The following NAV2 variants were observed in gnomAD, a reference collection of about 807,000 sequenced individuals.
NAV2 encodes the protein helicase, APC down-regulated 1.
NAV2 carries 54 observed loss-of-function variants against 223.2 expected under a neutral mutation model. The observed-to-expected ratio is 0.24, with a 90% CI of 0.19 to 0.30. The LOEUF is 0.30. NAV2 is among the 10% of genes least tolerant of loss of function. The probability of loss-of-function intolerance (pLI) is 1.00; values close to 1 mark genes in which losing one functional copy is unlikely to be tolerated. For missense variants in NAV2, 2,806 were observed against 3,147.5 expected (o/e 0.89, Z 2.60); for synonymous variants, 1,279 against 1,239.3 (o/e 1.03, Z -0.67).
At chr11:20,012,716 G>T (rs1200939971) in intron 11 of NAV2, among the ~76,000 whole-genome samples, 1 of 151,770 alleles carries the variant, frequency 6.6e-6, no homozygotes, top group African/African-American at 2.4e-5. Context: ...GCGACCAGGG[G>T]ATAGGGTTGT....
In NAV2 at chr11:19,879,963, C is replaced by T; in HGVS notation, c.606C>T (p.Leu202=). The change falls in exon 5 of 38, where the codon CTC becomes CTT. Residue 202 remains leucine (L), a synonymous_variant. Coordinates refer to ENST00000349880, the MANE Select transcript of NAV2 (RefSeq NM_145117.5). ...QQQQQPQKQH[L]SSPLPPAVSQ... ...AGCAGCAGCCCCAGAAGCAGCACCT[C>T]TCCTCACCTCTGCCGCCCGCCGTAT... The T allele has an allele frequency of 6.2e-7, 1 of 1,613,448 alleles. No homozygotes were observed. Among genetic ancestry groups the T allele is most frequent in the Non-Finnish European group, 8.5e-7 (1 of 1,179,886 alleles).
intron 11 of NAV2, among the ~76,000 whole-genome samples, chr11:19,991,825 A>G (rs1232772821): frequency 6.6e-6 from 1 of 151,924 alleles, no homozygotes; most frequent in Non-Finnish European, 1.5e-5. Context: ...TTTTGTCTTC[A>G]TCTTTTCTTG....
At chr11:19,443,918 T>C (rs891016990) in intron 1 of NAV2, among the ~76,000 whole-genome samples, 1 of 152,118 alleles carries the variant, frequency 6.6e-6, no homozygotes, top group Admixed American at 6.6e-5. Context: ...ACTCCTCTTA[T>C]TATTATTATT....
intron 1 of NAV2, among the ~76,000 whole-genome samples, chr11:19,537,214 T>C (rs2044214124): frequency 6.6e-6 from 1 of 152,126 alleles, no homozygotes; most frequent in Non-Finnish European, 1.5e-5. Context: ...TATTTAATTG[T>C]ATAATAATAA....
intron 1 of NAV2, among the ~76,000 whole-genome samples, chr11:19,396,965 A>G (rs1475011786): frequency 6.6e-6 from 1 of 152,102 alleles, no homozygotes; most frequent in Non-Finnish European, 1.5e-5. Flanking sequence ...TCCTCTTTTT[A>G]TGGGGACCAC....
rs1162180013 is a variant in NAV2, at chr11:20,045,103, C to T, written c.3335C>T (p.Thr1112Ile). 2 of 1,614,194 alleles carry T rather than the reference C, an allele frequency of 1.2e-6. No homozygotes were observed. Among genetic ancestry groups the T allele is most frequent in the South Asian group, 1.1e-5 (1 of 91,086 alleles). ...SKKPLPSSSR[T>I]PTANANSFGF... ...AAGCCCCTCCCCAGCAGCTCTAGGACACCTACTGCCAATGCCAACAGCTTT... is the reference window on the plus strand; with the variant it reads ...AAGCCCCTCCCCAGCAGCTCTAGGATACCTACTGCCAATGCCAACAGCTTT... Residue 1112 changes from threonine (T) to isoleucine (I), a missense_variant, in exon 14 of 38, where the codon ACA becomes ATA. This residue lies in a region of NAV2 where 742 missense variants were observed against 777.9 expected (regional missense o/e 0.95). Coordinates refer to ENST00000349880, the MANE Select transcript of NAV2 (RefSeq NM_145117.5).
At chr11:19,353,077 G>C (rs1853417189) in intron 1 of NAV2, among the ~76,000 whole-genome samples, 1 of 152,140 alleles carries the variant, frequency 6.6e-6, no homozygotes, top group South Asian at 2.1e-4. Flanking sequence ...CTTCAGGGGG[G>C]ATTGGCTGAA....
At chr11:20,045,839 T>C (rs1057508427) in intron 14 of NAV2, among the ~76,000 whole-genome samples, 169 bp downstream of exon 14, 1 of 152,254 alleles carries the variant, frequency 6.6e-6, no homozygotes, top group Non-Finnish European at 1.5e-5. Flanking sequence ...TTTTCCCATG[T>C]TGGGATGAAA....
At chr11:20,054,336 G>A (rs2058225365) in intron 18 of NAV2, 96 bp downstream of exon 18, 1 of 1,307,894 alleles carries the variant, frequency 7.6e-7, no homozygotes, top group Admixed American at 3.3e-5. Flanking sequence ...AGTTTTTGGG[G>A]AGCAGGTGGT....
chr11:19,506,680 A>G (rs941610468), intron 1 of NAV2: 3 of 152,238 alleles, frequency 2.0e-5, no homozygotes, highest in African/African-American at 4.8e-5. Flanking sequence ...AGGAAAGGCC[A>G]TTGAGTTTTG....
intron 11 of NAV2, among the ~76,000 whole-genome samples, chr11:20,023,724 G>GTGTGTA (rs1554902413): frequency 1.1e-4 from 16 of 152,026 alleles, no homozygotes; most frequent in African/African-American, 3.4e-4. Context: ...GTGTGTGTGT[G>GTGTGTA]TGTGTGTGTG....
At chr11:19,866,235 A>C (rs1031338425) in intron 3 of NAV2, among the ~76,000 whole-genome samples, 6 of 152,226 alleles carry the variant, frequency 3.9e-5, no homozygotes, top group African/African-American at 1.4e-4. Context: ...TGTTGTGAGA[A>C]GCTGTACTGT....
At chr11:19,959,086 A>C (rs1387366591) in intron 10 of NAV2, among the ~76,000 whole-genome samples, 1 of 152,178 alleles carries the variant, frequency 6.6e-6, no homozygotes, top group East Asian at 1.9e-4. Flanking sequence ...AACTGCTGGG[A>C]AATAGCTGAT....
At chr11:19,892,685 A>G (rs895238734) in intron 6 of NAV2, 91 bp downstream of exon 6, 18 of 1,395,298 alleles carry the variant, frequency 1.3e-5, no homozygotes, top group Non-Finnish European at 1.7e-5. Flanking sequence ...GGTCATGGGG[A>G]GGGGTTGCAT....
intron 4 of NAV2, among the ~76,000 whole-genome samples, chr11:19,869,632 C>A (rs965197930): frequency 2.0e-5 from 3 of 152,186 alleles, no homozygotes; most frequent in Admixed American, 6.6e-5. Context: ...CACGCTCTCT[C>A]CTGTTTGTAA....
chr11:19,515,716 A>G (rs916622365), intron 1 of NAV2, among the ~76,000 whole-genome samples: 1 of 152,312 alleles, frequency 6.6e-6, no homozygotes, highest in South Asian at 2.1e-4. Flanking sequence ...TTTTCCCTTG[A>G]TACAAATAAC....
intron 11 of NAV2, among the ~76,000 whole-genome samples, chr11:20,014,064 T>G (rs1402064752): frequency 6.6e-6 from 1 of 152,182 alleles, no homozygotes; most frequent in Non-Finnish European, 1.5e-5. Context: ...AAACTTTGGG[T>G]GAAGGAAGTG....
intron 1 of NAV2, among the ~76,000 whole-genome samples, chr11:19,549,712 A>C (rs2044627533): frequency 6.6e-6 from 1 of 152,248 alleles, no homozygotes; most frequent in Admixed American, 6.5e-5. Flanking sequence ...AGGGCAGCTC[A>C]CAGGAGGTGT....
At chr11:19,859,285 C>G (rs939862310) in intron 3 of NAV2, among the ~76,000 whole-genome samples, 2 of 149,120 alleles carry the variant, frequency 1.3e-5, no homozygotes, top group East Asian at 2.0e-4. Context: ...GAGGACCCTG[C>G]GGCCTTCCGC....
Sources: gnomAD v4.1 joint callset for allele counts (sites outside exome capture counted in the v4.1 genomes callset) on GRCh38, gnomAD v4.1.1 for gene constraint, gnomAD v4.1.1 regional missense constraint, MANE v1.5 for transcripts, NCBI Gene and HGNC (gene_info 2026-07-23, HGNC 2026-07-21) for gene names.